The following ERC2 variants were observed in gnomAD, a reference collection of about 807,000 sequenced individuals.
The protein encoded by ERC2 is ERC protein 2.
Under a neutral mutation model 114.8 loss-of-function variants are expected in ERC2, and 42 were observed. The observed-to-expected ratio is 0.37, with a 90% CI of 0.29 to 0.47. The LOEUF is 0.47. Ranked by LOEUF, ERC2 falls within the 20% of genes least tolerant of loss-of-function variation. The pLI, the probability that ERC2 is intolerant of heterozygous loss-of-function variation, is 0.99. For synonymous variants in ERC2, 454 were observed against 425.5 expected, an observed-to-expected ratio of 1.07 and a Z score of -0.82; for missense variants, 939 against 1,150.7, an observed-to-expected ratio of 0.82 and a Z score of 2.66.
chr3:55,941,408 A>G lies in ERC2; in HGVS notation c.2403+9017T>C, dbSNP rs2066783531. Among the ~76,000 whole-genome samples the G allele has an allele frequency of 3.3e-5, 5 of 152,108 alleles. 1 individual carries two copies. In the South Asian group the frequency reaches 8.3e-4, roughly 25 times the overall value. ...CCTTCTCCTGGCATTGCCCACCTCT[A>G]TTGACTCAATTAGAGTCAACAGCCC... On this transcript the variant is annotated intron_variant, in intron 13 of 17. Transcript: ENST00000288221.
chr3:55,933,832 C>T (rs894237345), intron 13 of ERC2, among the ~76,000 whole-genome samples: 3 of 152,190 alleles, frequency 2.0e-5, no homozygotes, highest in African/African-American at 4.8e-5. Context: ...GCTCAACCTA[C>T]GCATAGTTCA....
At chr3:56,004,347 T>G (rs567932676) in intron 10 of ERC2, among the ~76,000 whole-genome samples, 3 of 152,194 alleles carry the variant, frequency 2.0e-5, no homozygotes, top group African/African-American at 7.2e-5. Context: ...AATTATGCAT[T>G]ATTTGGTTAG....
At chr3:55,957,763 G>A (rs982656281) in intron 12 of ERC2, among the ~76,000 whole-genome samples, 2 of 151,932 alleles carry the variant, frequency 1.3e-5, no homozygotes, top group Non-Finnish European at 2.9e-5. Context: ...CCTGCTCCGT[G>A]TGAGGCTGCA....
At position 55,783,484 on chromosome 3, in the gene ERC2, C is replaced by A. The variant is rs534513996; in HGVS notation, c.2565-48566G>T. ...CACCTGTCATTGTTACATTTACTAG[C>A]ACTGAATTGATTCAATCTCAAGAAA... On this transcript the variant is annotated intron_variant, in intron 14 of 17. Coordinates refer to ENST00000288221, the MANE Select transcript of ERC2 (RefSeq NM_015576.3). Among the ~76,000 whole-genome samples, 10 of 152,304 alleles carry A rather than the reference C, an allele frequency of 6.6e-5. No individual in the cohort carries two copies. The East Asian group carries it at 1.9e-3, about 29-fold the overall frequency.
intron 17 of ERC2, among the ~76,000 whole-genome samples, chr3:55,589,428 G>A (rs1356831076): frequency 1.3e-5 from 2 of 152,128 alleles, no homozygotes; most frequent in South Asian, 2.1e-4. Context: ...AAATAATTCC[G>A]CACATCTACC....
chr3:55,940,824 A>C (rs2066739620), intron 13 of ERC2, among the ~76,000 whole-genome samples: 1 of 152,168 alleles, frequency 6.6e-6, no homozygotes, highest in Non-Finnish European at 1.5e-5. Context: ...CATAAAATCC[A>C]TGCAAAACCC....
chr3:55,950,491 A>G lies in ERC2; in HGVS notation c.2337T>C (p.Asn779=), dbSNP rs1162622298. 1 of 1,613,988 alleles carries G rather than the reference A, an allele frequency of 6.2e-7. No individual in the cohort carries two copies. Among genetic ancestry groups the G allele is most frequent in the African/African-American group, 1.3e-5 (1 of 75,046 alleles). The change falls in exon 13 of 18, where the codon AAT becomes AAC. Residue 779 remains asparagine, a synonymous_variant. Coordinates refer to ENST00000288221, the MANE Select transcript of ERC2 (RefSeq NM_015576.3). ...TGCGCACTTCTTCTAGTAACTGAGC[A>G]TTTTTCTTCTTTTCCAACTGTTGAT... ...KHNQQLEKKK[N]AQLLEEVRRR...
intron 17 of ERC2, among the ~76,000 whole-genome samples, chr3:55,543,961 G>T (rs1056871028): frequency 6.6e-6 from 1 of 152,134 alleles, no homozygotes; most frequent in African/African-American, 2.4e-5. Context: ...ATCCGTTCAG[G>T]GAGGCCGATT....
intron 2 of ERC2, among the ~76,000 whole-genome samples, chr3:56,304,436 G>C (rs76141681): frequency 6.6e-6 from 1 of 152,276 alleles, no homozygotes; most frequent in East Asian, 1.9e-4. Context: ...TAAATAAATA[G>C]AATCAGAATT....
intron 2 of ERC2, among the ~76,000 whole-genome samples, chr3:56,338,968 C>T (rs1194298483): frequency 2.0e-5 from 3 of 152,128 alleles, no homozygotes; most frequent in African/African-American, 7.2e-5. Flanking sequence ...GAGAATGGTG[C>T]CTTGCATCAA....
intron 3 of ERC2, among the ~76,000 whole-genome samples, chr3:56,233,783 C>T (rs1480811032): frequency 6.6e-6 from 1 of 152,126 alleles, no homozygotes; most frequent in East Asian, 1.9e-4. Flanking sequence ...AGAGGTGGCC[C>T]GTATTGCTTG....
intron 17 of ERC2, among the ~76,000 whole-genome samples, chr3:55,603,232 A>G (rs1247466697): frequency 6.6e-6 from 1 of 152,224 alleles, no homozygotes. Context: ...TTTATAAAAT[A>G]ATAGCCTGTT....
At chr3:55,713,507 G>A (rs760351102) in intron 15 of ERC2, among the ~76,000 whole-genome samples, 4 of 152,124 alleles carry the variant, frequency 2.6e-5, no homozygotes, top group East Asian at 1.9e-4. Context: ...ATGAGCCACC[G>A]CTCCTGTCCC....
At chr3:56,185,309 G>A (rs2083525494) in intron 3 of ERC2, 1 of 152,160 alleles carries the variant, frequency 6.6e-6, no homozygotes, top group South Asian at 2.1e-4. Flanking sequence ...AACTGCAATG[G>A]ACCAGTGGCT....
intron 3 of ERC2, among the ~76,000 whole-genome samples, chr3:56,279,225 T>C (rs2054194552): frequency 6.6e-6 from 1 of 152,214 alleles, no homozygotes; most frequent in African/African-American, 2.4e-5. Context: ...TTTTATCATA[T>C]ACTAAGGCAT....
At chr3:55,562,031 C>G (rs1356653137) in intron 17 of ERC2, among the ~76,000 whole-genome samples, 2 of 152,146 alleles carry the variant, frequency 1.3e-5, no homozygotes, top group East Asian at 3.8e-4. Flanking sequence ...GAGTGGAAAG[C>G]CAAGTGAAGA....
intron 14 of ERC2, among the ~76,000 whole-genome samples, chr3:55,747,042 T>C (rs2066353148): frequency 6.6e-6 from 1 of 152,204 alleles, no homozygotes; most frequent in South Asian, 2.1e-4. Flanking sequence ...TCAATTTTTT[T>C]CTGTAGTTAC....
intron 14 of ERC2, among the ~76,000 whole-genome samples, chr3:55,799,722 G>C (rs964171541): frequency 6.6e-6 from 1 of 151,912 alleles, no homozygotes; most frequent in African/African-American, 2.4e-5. Flanking sequence ...GGAGGATGTG[G>C]GAGTGGCCCC....
Position 56,251,489 on chromosome 3 carries a change from T to C in ERC2, c.1074+44530A>G, listed in dbSNP as rs1471219606. On this transcript the variant is annotated intron_variant, in intron 3 of 17. Transcript: ENST00000288221. ...ACAGGAAAAGCAATGTCCAAAAATG[T>C]CCAAAGAGAAACCTGGCAAGAAGAA... Among the ~76,000 whole-genome samples, 5 of 152,080 alleles carry C rather than the reference T, an allele frequency of 3.3e-5. No homozygotes were observed. The East Asian group carries it at 9.6e-4, about 29-fold the overall frequency.
Sources: gnomAD v4.1 joint callset for allele counts (sites outside exome capture counted in the v4.1 genomes callset) on GRCh38, gnomAD v4.1.1 for gene constraint, MANE v1.5 for transcripts, NCBI Gene and HGNC (gene_info 2026-07-23, HGNC 2026-07-21) for gene names.